The following ARFGEF1 variants were observed in gnomAD, a reference collection of about 807,000 sequenced individuals.
ARFGEF1 encodes brefeldin A-inhibited guanine nucleotide-exchange protein 1.
In ARFGEF1, 42 loss-of-function variants were observed where a neutral mutation model predicts 231.0. The ratio of observed to expected loss-of-function variants is 0.18; its 90% confidence interval spans 0.14 to 0.24. ARFGEF1 has a LOEUF of 0.24. Among genes scored for constraint, ARFGEF1 ranks in the 10% least tolerant of loss-of-function variants. ARFGEF1 has a pLI of 1.00. For missense variants in ARFGEF1, 1,345 were observed against 2,192.0 expected, an observed-to-expected ratio of 0.61 and a Z score of 7.72; for synonymous variants, 710 against 732.3, an observed-to-expected ratio of 0.97 and a Z score of 0.49.
At chr8:67,277,571 T>G in intron 7 of ARFGEF1, 114 bp from the exon 8 acceptor site, 1 of 908,240 alleles carries the variant, frequency 1.1e-6, no homozygotes, top group Non-Finnish European at 1.7e-6. Context: ...TGAAGTAAAA[T>G]ATGTATTGGC....
At chr8:67,195,450 G>A (rs750278770), downstream of ARFGEF1, 9 of 1,614,174 alleles carry the variant, frequency 5.6e-6, no homozygotes, top group Non-Finnish European at 6.8e-6. Context: ...ATCAAACTCT[G>A]TAGCAACTGA....
chr8:67,228,073 G>C lies in ARFGEF1; in HGVS notation c.3481C>G (p.Pro1161Ala). Reference protein sequence around the residue: ...SMDELLSTTHPRMFSLQKIVE... With the variant: ...SMDELLSTTHARMFSLQKIVE... The stretch of plus-strand genomic sequence containing the variant: ...ATTTTTTGTAGACTAAACATTCTTG[G>C]GTGTGTCGTGGAAAGTAATTCATCC... The change falls in exon 25 of 39, where the codon CCA becomes GCA. Residue 1161 changes from proline to alanine, a missense_variant. Pro to Ala is a conservative substitution (Grantham distance 27, BLOSUM62 -1). Coordinates refer to ENST00000262215, the MANE Select transcript of ARFGEF1 (RefSeq NM_006421.5). 1 of 1,609,430 alleles carries C rather than the reference G, an allele frequency of 6.2e-7. No homozygotes were observed. The highest frequency in any genetic ancestry group is 1.1e-5 in the South Asian group (1 of 90,064).
chr8:67,343,289 G>A lies in ARFGEF1; in HGVS notation c.-2C>T. On this transcript the variant is annotated 5_prime_UTR_variant, in exon 1 of 39. Coordinates refer to ENST00000262215, the MANE Select transcript of ARFGEF1 (RefSeq NM_006421.5). Reference sequence around the variant, plus strand: ...CTTCGTCTTCTTCCCCTCATACATGGACGCAGAGAAGGAGGCGGCGGCTCG... The same window carrying A: ...CTTCGTCTTCTTCCCCTCATACATGAACGCAGAGAAGGAGGCGGCGGCTCG... The A allele has an allele frequency of 6.2e-7, 1 of 1,612,884 alleles. No individual in the cohort carries two copies. Among genetic ancestry groups the A allele is most frequent in the South Asian group, 1.1e-5 (1 of 91,016 alleles).
rs767993926 is a variant in ARFGEF1, at chr8:67,228,192, A to G, written c.3421+32T>C. The G allele has an allele frequency of 3.7e-6, 6 of 1,608,214 alleles. No individual in the cohort carries two copies. The Admixed American group carries it at 8.5e-5, about 23-fold the overall frequency. ...ATTAAAGTTATTTTAGCCCCAAGCC[A>G]GTTCCGAAGTAGAATAAATGCCCAT... On this transcript the variant is annotated intron_variant, in intron 24 of 38. Transcript: ENST00000262215.
chr8:67,313,605 G>A (rs1807172352), intron 1 of ARFGEF1, among the ~76,000 whole-genome samples: 1 of 152,198 alleles, frequency 6.6e-6, no homozygotes, highest in Non-Finnish European at 1.5e-5. Flanking sequence ...TTGGTACTGA[G>A]GCTTGTCTGA....
intron 38 of ARFGEF1, 109 bp downstream of exon 38, chr8:67,200,287 G>A (rs773491352): frequency 2.5e-6 from 2 of 802,358 alleles, no homozygotes; most frequent in Non-Finnish European, 4.4e-6. Context: ...TGCAGCCTGG[G>A]CACTGCTTGA....
At chr8:67,277,182 G>C in intron 8 of ARFGEF1, 100 bp downstream of exon 8, 1 of 1,170,054 alleles carries the variant, frequency 8.5e-7, no homozygotes. Context: ...TAAAAATCAG[G>C]CAGCATCATC....
chr8:67,195,196 A>T (rs1298520590), downstream of ARFGEF1, among the ~76,000 whole-genome samples: 1 of 151,888 alleles, frequency 6.6e-6, no homozygotes, highest in Non-Finnish European at 1.5e-5. Context: ...TTGTGGGCCC[A>T]CTCTCCTCCC....
Position 67,325,223 on chromosome 8 carries a change from C to A in ARFGEF1, c.124+17941G>T, listed in dbSNP as rs529093801. On this transcript the variant is annotated intron_variant, in intron 1 of 38. Coordinates refer to ENST00000262215, the MANE Select transcript of ARFGEF1 (RefSeq NM_006421.5). ...CCACCACACCAGGCCGAAAAATCCACTTTTTTTTTTTTTTTAACAGAAAAT... is the reference window on the plus strand; with the variant it reads ...CCACCACACCAGGCCGAAAAATCCAATTTTTTTTTTTTTTTAACAGAAAAT... Among the ~76,000 whole-genome samples the A allele has an allele frequency of 2.1e-5, 3 of 143,374 alleles. No homozygotes were observed. The South Asian group carries it at 6.6e-4, about 32-fold the overall frequency. 94.1% of individuals were successfully genotyped at this position (143,374 alleles called of 152,430 possible).
At position 67,251,381 on chromosome 8, in the gene ARFGEF1, T is replaced by G; in HGVS notation, c.2768A>C (p.Lys923Thr). The G allele has an allele frequency of 6.2e-7, 1 of 1,612,830 alleles. No individual in the cohort carries two copies. The highest frequency in any genetic ancestry group is 2.2e-5 in the East Asian group (1 of 44,802). Residue 923 changes from lysine (K) to threonine (T), a missense_variant, in exon 19 of 39, where the codon AAA (lysine) becomes ACA (threonine). Physicochemically the swap from Lys to Thr is moderately conservative, Grantham distance 78. Coordinates refer to ENST00000262215, the MANE Select transcript of ARFGEF1 (RefSeq NM_006421.5). ...ATGGCTCACGGCCTCCATGAGTGCT[T>G]TAGCTGTCTTGGCCATCTGCTCCAT... ...LEMEQMAKTA[K>T]ALMEAVSHVQ...
chr8:67,284,534 G>A (rs1046751809), intron 7 of ARFGEF1, among the ~76,000 whole-genome samples: 3 of 152,112 alleles, frequency 2.0e-5, no homozygotes, highest in Non-Finnish European at 4.4e-5. Context: ...TCTTTAGTAG[G>A]ATATATTTAA....
Position 67,177,788 on chromosome 8 carries a change from T to C in ARFGEF1, c.561-2216A>G, listed in dbSNP as rs1832045210. The C allele has an allele frequency of 3.5e-6, 4 of 1,127,736 alleles. No homozygotes were observed. The African/African-American group carries it at 4.6e-5, about 13-fold the overall frequency. The allele number at this position is 1,127,736 out of a possible 1,614,324, so 69.9% of individuals were successfully genotyped here. ...GGGGGATTAAAAATCTTTAGGCATA[T>C]GATGATCAAGTAATTCAAATTTTGA... On this transcript the variant is annotated intron_variant, in intron 5 of 5. Coordinates refer to the ARFGEF1 transcript ENST00000518789.
At position 67,272,052 on chromosome 8, in the gene ARFGEF1, T is replaced by C. The variant is rs2128896672; in HGVS notation, c.1338-116A>G. The C allele has an allele frequency of 6.0e-6, 4 of 668,978 alleles. 1 individual carries two copies. The Middle Eastern group carries it at 1.2e-3, about 205-fold the overall frequency. The allele number at this position is 668,978 out of a possible 1,614,324, so 41.4% of individuals were successfully genotyped here. On this transcript the variant is annotated intron_variant, in intron 9 of 38. Transcript: ENST00000262215. ...ATCATAATTTCATAAACTTTGTAAATGGAGAGGAAGAGAAAATTCTATAAC... is the reference window on the plus strand; with the variant it reads ...ATCATAATTTCATAAACTTTGTAAACGGAGAGGAAGAGAAAATTCTATAAC...
intron 1 of ARFGEF1, among the ~76,000 whole-genome samples, chr8:67,340,132 C>G (rs1808558884): frequency 6.6e-6 from 1 of 152,056 alleles, no homozygotes; most frequent in Non-Finnish European, 1.5e-5. Context: ...TTTTGAATGG[C>G]AATACTCAGA....
At chr8:67,208,441 C>T (rs1264632326) in intron 34 of ARFGEF1, among the ~76,000 whole-genome samples, 1 of 152,004 alleles carries the variant, frequency 6.6e-6, no homozygotes, top group Non-Finnish European at 1.5e-5. Context: ...ACGAGCCTGG[C>T]CAACATGGCG....
chr8:67,289,931 G>A (rs1805935894), intron 6 of ARFGEF1, among the ~76,000 whole-genome samples: 1 of 152,078 alleles, frequency 6.6e-6, no homozygotes, highest in South Asian at 2.1e-4. Flanking sequence ...AAAAGTGTAC[G>A]AAATGACTAG....
chr8:67,343,029 G>A (rs2128941543), intron 1 of ARFGEF1, 135 bp downstream of exon 1: 1 of 1,047,104 alleles, frequency 9.6e-7, no homozygotes, highest in Non-Finnish European at 1.4e-6. Context: ...ACAGGGAACA[G>A]AGGGCTCCGC....
At chr8:67,263,323 CCT>C (rs141929483) in intron 14 of ARFGEF1, among the ~76,000 whole-genome samples, 2,463 of 152,172 alleles carry the variant, frequency 0.016, 70 homozygotes, top group African/African-American at 0.057. Flanking sequence ...AAATGGTCTC[CCT>C]CTAGCTCATG....
intron 5 of ARFGEF1, among the ~76,000 whole-genome samples, chr8:67,186,962 C>CAT (rs1834776719): frequency 6.9e-6 from 1 of 145,714 alleles, no homozygotes; most frequent in Non-Finnish European, 1.5e-5. Flanking sequence ...AGGTATAAAT[C>CAT]TATCTATCAT....
Sources: gnomAD v4.1 joint callset for allele counts (sites outside exome capture counted in the v4.1 genomes callset) on GRCh38, gnomAD v4.1.1 for gene constraint, MANE v1.5 for transcripts, NCBI Gene and HGNC (gene_info 2026-07-23, HGNC 2026-07-21) for gene names.